MAN2A1: variants seen among roughly 807,000 people sequenced by gnomAD.
MAN2A1 encodes alpha-mannosidase 2.
A neutral mutation model predicts 142.6 loss-of-function variants in MAN2A1; 76 were observed. That is an observed-to-expected ratio of 0.53 (90% CI 0.44 to 0.65). The LOEUF (loss-of-function observed/expected upper bound fraction) is 0.65, where lower values mean the gene tolerates loss of function less well. Among genes scored for constraint, MAN2A1 ranks in the 30% least tolerant of loss-of-function variants. MAN2A1 has a pLI of 0.00. For missense variants in MAN2A1, 1,311 were observed against 1,365.1 expected (o/e 0.96, Z 0.62); for synonymous variants, 559 against 473.2 (o/e 1.18, Z -2.35).
chr5:109,834,478 A>G (rs1482557963), intron 16 of MAN2A1, among the ~76,000 whole-genome samples: 1 of 151,958 alleles, frequency 6.6e-6, no homozygotes, highest in Non-Finnish European at 1.5e-5. Context: ...TATGTTTTTC[A>G]TTTATTATGT....
intron 3 of MAN2A1, among the ~76,000 whole-genome samples, chr5:109,727,795 G>A (rs1348730223): frequency 6.6e-6 from 1 of 152,200 alleles, no homozygotes; most frequent in African/African-American, 2.4e-5. Flanking sequence ...GGGTTGGTTG[G>A]ACTTTCTGGG....
chr5:109,743,377 T>G (rs1387858670), intron 4 of MAN2A1, among the ~76,000 whole-genome samples: 6 of 152,198 alleles, frequency 3.9e-5, no homozygotes, highest in African/African-American at 1.4e-4. Context: ...AGATAAGCAC[T>G]CGTTTAATTA....
At position 109,817,373 on chromosome 5, in the gene MAN2A1, C is replaced by A; in HGVS notation, c.2044C>A (p.Pro682Thr). The A allele has an allele frequency of 6.2e-7, 1 of 1,614,044 alleles. No homozygotes were observed. The highest frequency in any genetic ancestry group is 8.5e-7 in the Non-Finnish European group (1 of 1,179,980). ...TVQVFSASGK[P>T]VEVQVSAVWD... is the part of the protein sequence containing the mutation. ...GCAAGTGTTCTCTGCTTCAGGAAAA[C>A]CTGTGGAAGTTCAAGTCAGCGCAGT... is the stretch of plus-strand genomic sequence containing the variant. Residue 682 changes from proline (P) to threonine (T), a missense_variant, in exon 13 of 22, where the codon CCT becomes ACT. This residue lies in a region of MAN2A1 where 890 missense variants were observed against 920.5 expected (regional missense o/e 0.97). Transcript: ENST00000261483.
chr5:109,738,125 C>T (rs1236548539), intron 4 of MAN2A1, among the ~76,000 whole-genome samples: 1 of 152,076 alleles, frequency 6.6e-6, no homozygotes, highest in Non-Finnish European at 1.5e-5. Context: ...TGTAATCAAT[C>T]ACCTGGGAAC....
At chr5:109,767,175 G>A (rs1257863082) in intron 5 of MAN2A1, among the ~76,000 whole-genome samples, 1 of 152,162 alleles carries the variant, frequency 6.6e-6, no homozygotes, top group African/African-American at 2.4e-5. Flanking sequence ...CAGCTCCACA[G>A]ATCACAGGAC....
chr5:109,729,651 T>G, intron 4 of MAN2A1, 138 bp downstream of exon 4: 2 of 495,744 alleles, frequency 4.0e-6, no homozygotes, highest in Non-Finnish European at 3.4e-6. Flanking sequence ...ACCGTTTTCG[T>G]TGATTTTGGT....
At chr5:109,835,479 G>C (rs901982564) in intron 16 of MAN2A1, among the ~76,000 whole-genome samples, 4 of 152,176 alleles carry the variant, frequency 2.6e-5, no homozygotes, top group Non-Finnish European at 5.9e-5. Context: ...TATGTGATTT[G>C]ATAGCTATGT....
chr5:109,743,451 G>A (rs1752323076), intron 4 of MAN2A1, among the ~76,000 whole-genome samples: 1 of 152,138 alleles, frequency 6.6e-6, no homozygotes, highest in South Asian at 2.1e-4. Context: ...CTCCTGTTGA[G>A]GAATCTGAAG....
At chr5:109,829,907 A>G (rs1407478466) in intron 16 of MAN2A1, among the ~76,000 whole-genome samples, 2 of 152,116 alleles carry the variant, frequency 1.3e-5, no homozygotes, top group African/African-American at 4.8e-5. Flanking sequence ...TCTTAAAACA[A>G]TTTATCTGTT....
At chr5:109,761,139 T>A (rs1752833164) in intron 5 of MAN2A1, among the ~76,000 whole-genome samples, 1 of 150,538 alleles carries the variant, frequency 6.6e-6, no homozygotes, top group East Asian at 1.9e-4. Context: ...TTATAAATAT[T>A]TTATATAATT....
At chr5:109,755,656 T>C (rs978861644) in intron 5 of MAN2A1, among the ~76,000 whole-genome samples, 200 bp downstream of exon 5, 1 of 152,202 alleles carries the variant, frequency 6.6e-6, no homozygotes, top group African/African-American at 2.4e-5. Flanking sequence ...TTTAGGATCA[T>C]CTACCTTGTT....
intron 1 of MAN2A1, among the ~76,000 whole-genome samples, chr5:109,705,201 C>T (rs1240434807): frequency 6.6e-6 from 1 of 152,088 alleles, no homozygotes; most frequent in African/African-American, 2.4e-5. Flanking sequence ...CCTTCCCTTC[C>T]TGTCCAAGCT....
intron 16 of MAN2A1, among the ~76,000 whole-genome samples, chr5:109,837,723 G>A (rs901147684): frequency 2.6e-5 from 4 of 152,132 alleles, no homozygotes; most frequent in Admixed American, 6.5e-5. Flanking sequence ...TACGTTTATT[G>A]TACATGTCTA....
At position 109,759,962 on chromosome 5, in the gene MAN2A1, TATAGATAGATAG is replaced by T. The variant is rs1035592534; in HGVS notation, c.835+4538_835+4549del. Among the ~76,000 whole-genome samples the T allele has an allele frequency of 1.0e-3, 51 of 49,482 alleles. 1 individual carries two copies. Among genetic ancestry groups the T allele is most frequent in the Middle Eastern group, 0.011 (1 of 92 alleles). 32.5% of individuals were successfully genotyped at this position (49,482 alleles called of 152,430 possible). ...TGAATTGTTGCTATATATATATATA[TATAGATAGATAG>T]ATAGATAGATAGATAGATAGATAGA... On this transcript the variant is annotated intron_variant, in intron 5 of 21. Coordinates refer to ENST00000261483, the MANE Select transcript of MAN2A1 (RefSeq NM_002372.4).
At chr5:109,754,765 G>GCTGAGGCGGGCAAATCAC (rs1436239916) in intron 4 of MAN2A1, among the ~76,000 whole-genome samples, 1 of 152,220 alleles carries the variant, frequency 6.6e-6, no homozygotes, top group Non-Finnish European at 1.5e-5. Flanking sequence ...ACTTTGGGAA[G>GCTGAGGCGGGCAAATCAC]CTGAGGCGGG....
At chr5:109,828,110 AAAAAAAAAG>A (rs1754805031) in intron 16 of MAN2A1, among the ~76,000 whole-genome samples, 1 of 144,036 alleles carries the variant, frequency 6.9e-6, no homozygotes, top group African/African-American at 2.4e-5. Context: ...GTCTCAAAAA[AAAAAAAAAG>A]AAAAAAAGAA....
intron 8 of MAN2A1, among the ~76,000 whole-genome samples, chr5:109,777,501 CCTA>C (rs1228545527): frequency 6.6e-6 from 1 of 152,082 alleles, no homozygotes; most frequent in East Asian, 1.9e-4. Flanking sequence ...AATGTTGTCT[CCTA>C]CTATGTAGCC....
In MAN2A1 at chr5:109,821,997, T is replaced by A. The variant is rs142029474; in HGVS notation, c.2451+1655T>A. Among the ~76,000 whole-genome samples the A allele has an allele frequency of 9.5e-4, 145 of 152,200 alleles. 1 individual carries two copies. In the East Asian group the frequency reaches 0.02, roughly 21 times the overall value. On this transcript the variant is annotated intron_variant, in intron 15 of 21. Coordinates refer to ENST00000261483, the MANE Select transcript of MAN2A1 (RefSeq NM_002372.4). ...CAGTGAAATGTTATCCTAATTATTG[T>A]CTTGTTAGCTAGGGACCTATCTCCT...
Position 109,845,907 on chromosome 5 carries a change from A to G in MAN2A1, c.2743A>G (p.Asn915Asp), listed in dbSNP as rs770607544. 6.2e-7 allele frequency: 1 copy of G among 1,613,626 alleles called. No individual in the cohort carries two copies. Among genetic ancestry groups the G allele is most frequent in the Non-Finnish European group, 8.5e-7 (1 of 1,179,694 alleles). ...MTLSKLPLQA[N>D]VYPMTTMAYI... Reference sequence around the variant, plus strand: ...ACTGAGCAAATTGCCTCTTCAAGCAAATGTCTATCCCATGACCACAATGGC... The same window carrying G: ...ACTGAGCAAATTGCCTCTTCAAGCAGATGTCTATCCCATGACCACAATGGC... The change falls in exon 18 of 22, where the codon AAT (asparagine) becomes GAT (aspartate). Residue 915 changes from asparagine (N) to aspartate (D), a missense_variant. Coordinates refer to ENST00000261483, the MANE Select transcript of MAN2A1 (RefSeq NM_002372.4).
Sources: gnomAD v4.1 joint callset for allele counts (sites outside exome capture counted in the v4.1 genomes callset) on GRCh38, gnomAD v4.1.1 for gene constraint, gnomAD v4.1.1 regional missense constraint, MANE v1.5 for transcripts, NCBI Gene and HGNC (gene_info 2026-07-23, HGNC 2026-07-21) for gene names.